The following HLCS variants were observed in gnomAD, a reference collection of about 807,000 sequenced individuals.
HLCS encodes the protein biotin--protein ligase.
Under a neutral mutation model 75.0 loss-of-function variants are expected in HLCS, and 53 were observed. The observed-to-expected ratio is 0.71, with a 90% CI of 0.57 to 0.89. The LOEUF (loss-of-function observed/expected upper bound fraction) is 0.89. HLCS is among the 40% of genes least tolerant of loss of function. The pLI is 0.00. For synonymous variants in HLCS, 431 were observed against 428.6 expected (o/e 1.01, Z -0.07); for missense variants, 966 against 1,074.0 (o/e 0.90, Z 1.41).
rs145694304 is a variant in HLCS, at chr21:36,873,268, C to T, written c.1892+23592G>A. Among the ~76,000 whole-genome samples the T allele has an allele frequency of 4.3e-3, 648 of 152,236 alleles. 8 individuals carry two copies. Among genetic ancestry groups the T allele is most frequent in the African/African-American group, 0.015 (608 of 41,538 alleles). ...CAGTAGCTGGGACTACAGGCGTGTA[C>T]CACCACACCAAGCTAATTTTTGTAT... On this transcript the variant is annotated intron_variant, in intron 6 of 10. Coordinates refer to ENST00000674895, the MANE Select transcript of HLCS (RefSeq NM_001352514.2).
chr21:36,889,419 T>C (rs139018914), intron 6 of HLCS, among the ~76,000 whole-genome samples: 231 of 152,312 alleles, frequency 1.5e-3, no homozygotes, highest in African/African-American at 5.4e-3. Context: ...AAATAAAAGA[T>C]GATTCCAAAA....
intron 6 of HLCS, chr21:36,806,334 A>G (rs1405763653): frequency 6.6e-6 from 1 of 152,238 alleles, no homozygotes; most frequent in African/African-American, 2.4e-5. Context: ...CCTGGCCCAC[A>G]GTGTGGTTCC....
At chr21:36,919,639 G>A (rs553069012) in intron 5 of HLCS, among the ~76,000 whole-genome samples, 4 of 152,312 alleles carry the variant, frequency 2.6e-5, no homozygotes, top group Non-Finnish European at 5.9e-5. Context: ...TAAAAGACAA[G>A]TTAGCACACA....
At position 36,947,883 on chromosome 21, in the gene HLCS, A is replaced by C. The variant is rs886165108; in HGVS notation, c.331-8889T>G. The C allele has an allele frequency of 4.1e-6, 4 of 985,288 alleles. No homozygotes were observed. The African/African-American group carries it at 7.0e-5, about 17-fold the overall frequency. The allele number at this position is 985,288 out of a possible 1,614,324, so 61.0% of individuals were successfully genotyped here. A position where few individuals can be genotyped will look rare whatever the true frequency, so the allele number is the denominator to read the frequency against. ...CAGAGTCAGATCACGGATGCTGCTA[A>C]TTTTTCTGACTCTTGTTTCTCCTCT... On this transcript the variant is annotated intron_variant, in intron 2 of 10. Transcript: ENST00000674895.
intron 6 of HLCS, among the ~76,000 whole-genome samples, chr21:36,832,470 G>A (rs1340788716): frequency 1.3e-5 from 2 of 152,138 alleles, no homozygotes; most frequent in Admixed American, 6.5e-5. Context: ...AAGTACAAGA[G>A]GGCTCCAGCT....
intron 6 of HLCS, among the ~76,000 whole-genome samples, chr21:36,794,113 G>A (rs1419637454): frequency 6.6e-6 from 1 of 152,218 alleles, no homozygotes; most frequent in Non-Finnish European, 1.5e-5. Flanking sequence ...CGATCTCTGA[G>A]CTCCTGGGAG....
intron 3 of HLCS, among the ~76,000 whole-genome samples, chr21:36,938,309 A>G (rs999312502): frequency 1.3e-5 from 2 of 152,210 alleles, no homozygotes; most frequent in Non-Finnish European, 2.9e-5. Context: ...CAGTCATGAA[A>G]ACTTCTTGTT....
At chr21:36,763,685 A>T (rs556145369) in intron 8 of HLCS, among the ~76,000 whole-genome samples, 48 of 152,290 alleles carry the variant, frequency 3.2e-4, no homozygotes, top group Admixed American at 9.8e-4. Context: ...CTGACATAGG[A>T]GCTGCTGGGG....
intron 5 of HLCS, among the ~76,000 whole-genome samples, chr21:36,901,928 A>G (rs1379562220): frequency 6.6e-6 from 1 of 152,030 alleles, no homozygotes; most frequent in Non-Finnish European, 1.5e-5. Context: ...AGTGTGCAAA[A>G]GAGATTGAGA....
At chr21:36,988,309 A>G (rs1878306697) in intron 1 of HLCS, among the ~76,000 whole-genome samples, 1 of 152,114 alleles carries the variant, frequency 6.6e-6, no homozygotes, top group South Asian at 2.1e-4. Context: ...AAAGTAGCCT[A>G]ACACAGTACT....
At chr21:36,920,498 A>T (rs1424001648) in intron 5 of HLCS, among the ~76,000 whole-genome samples, 1 of 152,154 alleles carries the variant, frequency 6.6e-6, no homozygotes, top group Non-Finnish European at 1.5e-5. Context: ...TTAACTGTAC[A>T]TGCTCAAATA....
chr21:36,832,772 A>G (rs773642841), intron 6 of HLCS, among the ~76,000 whole-genome samples: 19 of 152,204 alleles, frequency 1.2e-4, no homozygotes, highest in Non-Finnish European at 2.5e-4. Flanking sequence ...TATCATGCTA[A>G]TTCAAGAGTC....
In HLCS at chr21:36,938,234, G is replaced by C. The variant is rs75403524; in HGVS notation, c.493+598C>G. Among the ~76,000 whole-genome samples the C allele has an allele frequency of 1.4e-4, 22 of 152,278 alleles. No individual in the cohort carries two copies. In the East Asian group the frequency reaches 4.2e-3, roughly 29 times the overall value. On this transcript the variant is annotated intron_variant, in intron 3 of 10. Coordinates refer to ENST00000674895, the MANE Select transcript of HLCS (RefSeq NM_001352514.2). ...CTGTAGTCTAGACACTAGTTATACTGTATTAAACTATGTGAAATAAATATT... is the reference window on the plus strand; with the variant it reads ...CTGTAGTCTAGACACTAGTTATACTCTATTAAACTATGTGAAATAAATATT...
At chr21:36,866,307 A>G (rs1393885708) in intron 6 of HLCS, among the ~76,000 whole-genome samples, 1 of 152,256 alleles carries the variant, frequency 6.6e-6, no homozygotes, top group Non-Finnish European at 1.5e-5. Context: ...AATTGAAGAC[A>G]TAAACTGAAG....
At chr21:36,808,802 AG>A (rs2061430161) in intron 6 of HLCS, among the ~76,000 whole-genome samples, 1 of 152,242 alleles carries the variant, frequency 6.6e-6, no homozygotes, top group South Asian at 2.1e-4. Context: ...TTTAACTGAA[AG>A]AAGTTCCTGC....
intron 2 of HLCS, among the ~76,000 whole-genome samples, chr21:36,950,282 T>A (rs2067608727): frequency 6.6e-6 from 1 of 152,206 alleles, no homozygotes; most frequent in Non-Finnish European, 1.5e-5. Flanking sequence ...CCAATTTGAG[T>A]ATATTCAATT....
At chr21:36,945,548 G>A (rs1274474882) in intron 2 of HLCS, among the ~76,000 whole-genome samples, 2 of 152,164 alleles carry the variant, frequency 1.3e-5, no homozygotes, top group Non-Finnish European at 1.5e-5. Flanking sequence ...TTAAGTGAAA[G>A]AAGCCAACAA....
intron 6 of HLCS, among the ~76,000 whole-genome samples, chr21:36,802,364 C>A (rs917899627): frequency 3.3e-5 from 5 of 152,168 alleles, no homozygotes; most frequent in African/African-American, 9.7e-5. Flanking sequence ...GGGGACTATG[C>A]GCCCAGGAGA....
intron 6 of HLCS, among the ~76,000 whole-genome samples, chr21:36,785,975 G>C (rs1283444263): frequency 6.6e-6 from 1 of 152,148 alleles, no homozygotes. Flanking sequence ...TCCTGTGTCT[G>C]TCTGTGGCCC....
Sources: allele counts gnomAD v4.1 joint callset (sites outside exome capture counted in the v4.1 genomes callset), GRCh38; gene constraint gnomAD v4.1.1; transcripts MANE v1.5; gene names NCBI Gene and HGNC (gene_info 2026-07-23, HGNC 2026-07-21).